CSMD1: variants seen among roughly 807,000 people sequenced by gnomAD.
CSMD1 encodes the protein CUB and sushi domain-containing protein 1.
CSMD1 carries 213 observed loss-of-function variants against 417.5 expected under a neutral mutation model. That is an observed-to-expected ratio of 0.51 (90% CI 0.46 to 0.57). The LOEUF (loss-of-function observed/expected upper bound fraction) is 0.57. Among genes scored for constraint, CSMD1 ranks in the 20% least tolerant of loss-of-function variants. The pLI is 0.00. For missense variants in CSMD1, 6,923 were observed against 4,529.7 expected, an observed-to-expected ratio of 1.53 and a Z score of -15.17; for synonymous variants, 2,862 against 1,736.8, an observed-to-expected ratio of 1.65 and a Z score of -16.11.
intron 1 of CSMD1, among the ~76,000 whole-genome samples, chr8:4,869,742 G>A (rs1046927147): frequency 1.3e-5 from 2 of 151,908 alleles, no homozygotes; most frequent in East Asian, 3.8e-4. Flanking sequence ...ACGTTCCATG[G>A]AATAGAGCAA....
intron 5 of CSMD1, among the ~76,000 whole-genome samples, chr8:3,881,267 T>TC (rs199889330): frequency 2.2e-4 from 33 of 150,920 alleles, no homozygotes; most frequent in Admixed American, 1.7e-3. Context: ...TTTTTTGCTT[T>TC]TTTTTTTCAC....
At chr8:4,018,706 A>T (rs1796640718) in intron 4 of CSMD1, among the ~76,000 whole-genome samples, 1 of 152,170 alleles carries the variant, frequency 6.6e-6, no homozygotes, top group Non-Finnish European at 1.5e-5. Flanking sequence ...TCTTTTAGAA[A>T]TATTTATTTT....
intron 2 of CSMD1, among the ~76,000 whole-genome samples, chr8:4,635,316 C>G (rs1802757257): frequency 6.6e-6 from 1 of 152,060 alleles, no homozygotes; most frequent in African/African-American, 2.4e-5. Context: ...TCTAATTGTT[C>G]TAACTTAATA....
chr8:3,442,401 C>G (rs1815042190), intron 12 of CSMD1, among the ~76,000 whole-genome samples: 1 of 152,188 alleles, frequency 6.6e-6, no homozygotes, highest in Non-Finnish European at 1.5e-5. Flanking sequence ...ATCCTGCAAG[C>G]TCTATTCATG....
At chr8:3,099,152 G>GC (rs945420720) in intron 46 of CSMD1, among the ~76,000 whole-genome samples, 3 of 151,928 alleles carry the variant, frequency 2.0e-5, no homozygotes, top group African/African-American at 7.3e-5. Context: ...AGTGAAGCCA[G>GC]CAGACTTCAC....
intron 2 of CSMD1, among the ~76,000 whole-genome samples, chr8:4,438,498 C>G (rs7015867): frequency 0.027 from 4,092 of 152,294 alleles, 183 homozygotes; most frequent in African/African-American, 0.094. Context: ...CAGCACCTGG[C>G]TGTAGGAAGA....
chr8:4,426,902 T>A (rs1043848100), intron 2 of CSMD1, among the ~76,000 whole-genome samples: 9 of 151,636 alleles, frequency 5.9e-5, no homozygotes, highest in African/African-American at 2.2e-4. Flanking sequence ...ATGTCAGGTG[T>A]TTCAGCTTTT....
At chr8:4,464,264 G>C (rs906603847) in intron 2 of CSMD1, among the ~76,000 whole-genome samples, 6 of 151,996 alleles carry the variant, frequency 3.9e-5, no homozygotes, top group Non-Finnish European at 8.8e-5. Context: ...TGCAGTGATT[G>C]TATGAAGCAC....
intron 1 of CSMD1, among the ~76,000 whole-genome samples, chr8:4,780,298 T>G (rs1174256493): frequency 6.6e-6 from 1 of 152,218 alleles, no homozygotes; most frequent in South Asian, 2.1e-4. Flanking sequence ...CTCTGTATAC[T>G]GCGCTATATA....
At chr8:4,555,632 C>A (rs1326166999) in intron 2 of CSMD1, among the ~76,000 whole-genome samples, 1 of 152,080 alleles carries the variant, frequency 6.6e-6, no homozygotes. Flanking sequence ...TTTAATTCTT[C>A]ATGATAAAAA....
At chr8:4,298,219 A>G (rs1797790763) in intron 3 of CSMD1, among the ~76,000 whole-genome samples, 1 of 152,182 alleles carries the variant, frequency 6.6e-6, no homozygotes, top group Non-Finnish European at 1.5e-5. Context: ...AATAATGCCA[A>G]TCTTTGCTTC....
At chr8:3,032,739 C>G (rs1421554602) in intron 50 of CSMD1, among the ~76,000 whole-genome samples, 4 of 151,954 alleles carry the variant, frequency 2.6e-5, no homozygotes, top group African/African-American at 9.7e-5. Flanking sequence ...CCCCCAACTC[C>G]CTATGTTTTC....
intron 10 of CSMD1, among the ~76,000 whole-genome samples, chr8:3,550,978 C>G (rs988443746): frequency 6.6e-6 from 1 of 152,112 alleles, no homozygotes; most frequent in African/African-American, 2.4e-5. Flanking sequence ...TTGAAGTGAA[C>G]AGTCAGACCC....
intron 4 of CSMD1, among the ~76,000 whole-genome samples, chr8:4,025,392 T>C (rs1039544490): frequency 2.0e-5 from 3 of 152,206 alleles, no homozygotes; most frequent in African/African-American, 7.2e-5. Context: ...CTCAAAGTAA[T>C]TTATAATCTA....
chr8:4,187,678 A>AAAC (rs950034502), intron 3 of CSMD1, among the ~76,000 whole-genome samples: 1 of 151,130 alleles, frequency 6.6e-6, no homozygotes, highest in African/African-American at 2.4e-5. Flanking sequence ...CTCCGTCTCA[A>AAAC]AAAAAAAAAA....
intron 1 of CSMD1, among the ~76,000 whole-genome samples, chr8:4,981,899 C>T (rs1449426257): frequency 6.6e-6 from 1 of 152,124 alleles, no homozygotes; most frequent in East Asian, 1.9e-4. Flanking sequence ...TCTCTCTCTC[C>T]CCCAACCCCA....
intron 1 of CSMD1, among the ~76,000 whole-genome samples, chr8:4,749,869 G>C (rs1157747917): frequency 1.3e-5 from 2 of 151,990 alleles, no homozygotes; most frequent in Non-Finnish European, 2.9e-5. Context: ...GGCAAAAAGA[G>C]AAATGCAACT....
intron 3 of CSMD1, among the ~76,000 whole-genome samples, chr8:4,053,082 T>C (rs894645708): frequency 6.6e-6 from 1 of 152,096 alleles, no homozygotes; most frequent in Non-Finnish European, 1.5e-5. Flanking sequence ...GAAAGGATGA[T>C]TGGAATAAGA....
intron 1 of CSMD1, among the ~76,000 whole-genome samples, chr8:4,645,687 T>C (rs1391431343): frequency 3.3e-5 from 5 of 152,072 alleles, no homozygotes; most frequent in Non-Finnish European, 1.5e-5. Flanking sequence ...AAAAAGATGA[T>C]TATTGTCATT....
Sources: gnomAD v4.1 joint callset for allele counts (sites outside exome capture counted in the v4.1 genomes callset) on GRCh38, gnomAD v4.1.1 for gene constraint, MANE v1.5 for transcripts, NCBI Gene and HGNC (gene_info 2026-07-23, HGNC 2026-07-21) for gene names.